HS3ST4: variants seen among roughly 807,000 people sequenced by gnomAD.
HS3ST4 encodes the protein heparan sulfate-glucosamine 3-sulfotransferase 4.
In HS3ST4, 17 loss-of-function variants were observed where a neutral mutation model predicts 29.2. The ratio of observed to expected loss-of-function variants is 0.58; its 90% confidence interval spans 0.40 to 0.87. The LOEUF is 0.87. HS3ST4 is among the 40% of genes least tolerant of loss of function. HS3ST4 has a pLI of 0.00. For missense variants in HS3ST4, 627 were observed against 634.5 expected (o/e 0.99, Z 0.13); for synonymous variants, 314 against 285.7 (o/e 1.10, Z -1.00).
At chr16:25,798,197 G>A (rs144391781) in intron 1 of HS3ST4, among the ~76,000 whole-genome samples, 44 of 152,298 alleles carry the variant, frequency 2.9e-4, no homozygotes, top group African/African-American at 9.4e-4. Flanking sequence ...TTGCCGCAGA[G>A]CTTCTAGAAG....
At chr16:25,704,314 G>C (rs1966358466) in intron 1 of HS3ST4, among the ~76,000 whole-genome samples, 1 of 152,142 alleles carries the variant, frequency 6.6e-6, no homozygotes, top group African/African-American at 2.4e-5. Flanking sequence ...CTCCCCCAAA[G>C]GTTCCTATAG....
chr16:25,830,582 GAAATGGATGTCTTGATTTCCCCC>G (rs1967285337), intron 1 of HS3ST4, among the ~76,000 whole-genome samples: 1 of 152,192 alleles, frequency 6.6e-6, no homozygotes, highest in South Asian at 2.1e-4. Flanking sequence ...CCAGTGTCCT[GAAATGGATGTCTTGATTTCCCCC>G]AAATCTGCTT....
At chr16:25,916,673 CTTTT>C (rs34339195) in intron 1 of HS3ST4, among the ~76,000 whole-genome samples, 3 of 92,172 alleles carry the variant, frequency 3.3e-5, no homozygotes, top group Non-Finnish European at 6.3e-5. Context: ...CAAATGCATT[CTTTT>C]TTTTTTTTTT....
At chr16:25,730,863 T>A (rs2141593546) in intron 1 of HS3ST4, among the ~76,000 whole-genome samples, 1 of 152,228 alleles carries the variant, frequency 6.6e-6, no homozygotes, top group South Asian at 2.1e-4. Context: ...ACCTTTGTGT[T>A]CTGTGATTTA....
intron 1 of HS3ST4, among the ~76,000 whole-genome samples, chr16:25,847,855 A>G (rs1967481381): frequency 6.6e-6 from 1 of 152,192 alleles, no homozygotes; most frequent in South Asian, 2.1e-4. Flanking sequence ...TCATTTGGTT[A>G]AGACATTGCT....
At chr16:26,109,281 C>A (rs959302852) in intron 1 of HS3ST4, among the ~76,000 whole-genome samples, 1 of 152,138 alleles carries the variant, frequency 6.6e-6, no homozygotes, top group Admixed American at 6.5e-5. Context: ...TCAGCGGCCC[C>A]GTTTCCTGCA....
intron 1 of HS3ST4, among the ~76,000 whole-genome samples, chr16:26,086,029 G>C (rs1265891624): frequency 1.3e-5 from 2 of 152,004 alleles, no homozygotes; most frequent in Non-Finnish European, 2.9e-5. Context: ...ATTGTCATCT[G>C]TAAAATGCAG....
intron 1 of HS3ST4, among the ~76,000 whole-genome samples, chr16:25,801,978 CTTT>C (rs58964023): frequency 1.5e-5 from 2 of 137,240 alleles, no homozygotes. Context: ...CAAATATTTT[CTTT>C]TTTTTTTTTT....
chr16:25,828,242 C>CTTTCTTTCTT (rs1371928058), intron 1 of HS3ST4, among the ~76,000 whole-genome samples: 12 of 75,032 alleles, frequency 1.6e-4, no homozygotes, highest in African/African-American at 2.3e-4. Flanking sequence ...TTCTTTCTTT[C>CTTTCTTTCTT]TCTTTCTTTC....
chr16:26,116,181 T>G (rs2141806636), intron 1 of HS3ST4, among the ~76,000 whole-genome samples: 1 of 152,336 alleles, frequency 6.6e-6, no homozygotes, highest in Admixed American at 6.5e-5. Flanking sequence ...GACCTCTGCT[T>G]CTTTCTGGCT....
intron 1 of HS3ST4, among the ~76,000 whole-genome samples, chr16:25,847,188 TAAATG>T (rs1967475438): frequency 6.6e-6 from 1 of 152,202 alleles, no homozygotes; most frequent in South Asian, 2.1e-4. Flanking sequence ...TATTTATTGT[TAAATG>T]TACTTTAGTA....
chr16:26,106,246 T>C (rs1401008571), intron 1 of HS3ST4, among the ~76,000 whole-genome samples: 4 of 152,132 alleles, frequency 2.6e-5, no homozygotes, highest in African/African-American at 7.2e-5. Context: ...CTGTTGAAAA[T>C]GTGTGTGGGG....
intron 1 of HS3ST4, among the ~76,000 whole-genome samples, chr16:25,956,540 T>G (rs1026134075): frequency 6.6e-6 from 1 of 152,216 alleles, no homozygotes; most frequent in African/African-American, 2.4e-5. Context: ...TCCAGTGATA[T>G]GATCTTATAC....
chr16:26,062,610 GT>G (rs113098168), intron 1 of HS3ST4: 65,101 of 143,620 alleles, frequency 0.45, 14,524 homozygotes, highest in Middle Eastern at 0.59. Flanking sequence ...TATTGGTATA[GT>G]TTTTTTTTTT....
chr16:26,071,503 A>G (rs779504837), intron 1 of HS3ST4, among the ~76,000 whole-genome samples: 10 of 152,216 alleles, frequency 6.6e-5, no homozygotes, highest in African/African-American at 2.4e-4. Context: ...GGCTTTGGTT[A>G]TATTAAAAAA....
Position 26,065,442 on chromosome 16 carries a change from G to C in HS3ST4, c.735-70170G>C, listed in dbSNP as rs144572624. On this transcript the variant is annotated intron_variant, in intron 1 of 1. Coordinates refer to ENST00000331351, the MANE Select transcript of HS3ST4 (RefSeq NM_006040.3). ...AATGATGAAAACACATGGACACGCA[G>C]AGGGGAATGACACACACTGGGGCCT... is the stretch of plus-strand genomic sequence containing the variant. Among the ~76,000 whole-genome samples the C allele has an allele frequency of 3.8e-3, 581 of 152,280 alleles. 3 individuals are homozygous for C. Among genetic ancestry groups the C allele is most frequent in the African/African-American group, 0.013 (560 of 41,560 alleles).
At chr16:25,850,601 G>T (rs915741622) in intron 1 of HS3ST4, among the ~76,000 whole-genome samples, 1 of 152,034 alleles carries the variant, frequency 6.6e-6, no homozygotes, top group Non-Finnish European at 1.5e-5. Context: ...AAATTTCTTT[G>T]CCTCCTATTC....
At chr16:25,796,932 A>G (rs1026541003) in intron 1 of HS3ST4, among the ~76,000 whole-genome samples, 3 of 152,112 alleles carry the variant, frequency 2.0e-5, no homozygotes, top group Admixed American at 1.3e-4. Flanking sequence ...GGAGTGCCTT[A>G]GTGTCATGGG....
intron 1 of HS3ST4, among the ~76,000 whole-genome samples, chr16:25,886,351 A>G (rs1967952582): frequency 6.6e-6 from 1 of 152,102 alleles, no homozygotes; most frequent in Non-Finnish European, 1.5e-5. Flanking sequence ...GTATTTTAAT[A>G]TCACCTACTG....
Sources: allele counts gnomAD v4.1 joint callset (sites outside exome capture counted in the v4.1 genomes callset), GRCh38; gene constraint gnomAD v4.1.1; transcripts MANE v1.5; gene names NCBI Gene and HGNC (gene_info 2026-07-23, HGNC 2026-07-21).